Variants in ABHD3 observed in about 807,000 individuals in gnomAD.
ABHD3 encodes the protein phospholipase ABHD3.
A neutral mutation model predicts 48.8 loss-of-function variants in ABHD3; 46 were observed. That is an observed-to-expected ratio of 0.94 (90% CI 0.74 to 1.20). The LOEUF is 1.20. ABHD3 is among the 50% of genes most tolerant of loss of function. The pLI is 0.00. For synonymous variants in ABHD3, 192 were observed against 183.7 expected (o/e 1.04, Z -0.36); for missense variants, 490 against 497.8 (o/e 0.98, Z 0.15).
Position 21,703,324 on chromosome 18 carries a change from AAC to A in ABHD3, c.326+258_326+259del, listed in dbSNP as rs370385505. Reference sequence around the variant, plus strand: ...ACAAACTGCGAGACAGTAATCCCCAAACACTTCTCTCATCCTAAAAATAAACC... The same window carrying A: ...ACAAACTGCGAGACAGTAATCCCCAAACTTCTCTCATCCTAAAAATAAACC... On this transcript the variant is annotated intron_variant, in intron 2 of 8. Coordinates refer to ENST00000289119, the MANE Select transcript of ABHD3 (RefSeq NM_138340.5). Among the ~76,000 whole-genome samples the A allele has an allele frequency of 1.9e-4, 29 of 149,774 alleles. No homozygotes were observed. In the Middle Eastern group the frequency reaches 0.01, roughly 53 times the overall value.
At chr18:21,701,284 G>A (rs1348651581) in intron 3 of ABHD3, 2 of 151,088 alleles carry the variant, frequency 1.3e-5, no homozygotes, top group African/African-American at 4.9e-5. Flanking sequence ...CACGATCATG[G>A]TTCACTACAG....
chr18:21,683,511 T>C (rs1407879406), intron 4 of ABHD3: 1 of 513,426 alleles, frequency 1.9e-6, no homozygotes, highest in Non-Finnish European at 4.0e-6. Flanking sequence ...AAAATGTGTT[T>C]TGCATTAAAA....
intron 4 of ABHD3, chr18:21,673,603 TTTGTTTTGTTTTTTG>T (rs2039806687): frequency 1.4e-5 from 2 of 144,602 alleles, no homozygotes; most frequent in Admixed American, 1.7e-4. Context: ...TGTTTTTTGT[TTTGTTTTGTTTTTTG>T]TTTTTTTGAG....
chr18:21,692,407 G>A (rs527370979), intron 3 of ABHD3, among the ~76,000 whole-genome samples: 2 of 152,254 alleles, frequency 1.3e-5, no homozygotes, highest in Non-Finnish European at 2.9e-5. Context: ...ATAATGCCTG[G>A]CATGGGGCCT....
At chr18:21,684,248 C>T (rs540167452) in intron 3 of ABHD3, among the ~76,000 whole-genome samples, 12 of 151,404 alleles carry the variant, frequency 7.9e-5, no homozygotes, top group South Asian at 4.2e-4. Context: ...TACGCACATA[C>T]GTGGGCCTCC....
Position 21,659,334 on chromosome 18 carries a change from A to C in ABHD3, c.678T>G (p.Leu226=), listed in dbSNP as rs147892559. Residue 226 remains leucine (L), a synonymous_variant, in exon 6 of 9, where the codon CTT becomes CTG. Coordinates refer to ENST00000289119, the MANE Select transcript of ABHD3 (RefSeq NM_138340.5). ...ACCCAATTTTGCCCAAGTAATTTAGAAGCAGCATTCTAAAATGGGGAGAAA... is the reference window on the plus strand; with the variant it reads ...ACCCAATTTTGCCCAAGTAATTTAGCAGCAGCATTCTAAAATGGGGAGAAA... ...AAGVSMGGML[L]LNYLGKIGSK... 2.4e-4 allele frequency: 387 copies of C among 1,607,816 alleles called. 2 individuals are homozygous for C. The African/African-American group carries it at 4.5e-3, about 19-fold the overall frequency.
At chr18:21,656,024 C>T (rs1331484205) in intron 8 of ABHD3, among the ~76,000 whole-genome samples, 3 of 151,690 alleles carry the variant, frequency 2.0e-5, no homozygotes, top group African/African-American at 7.3e-5. Flanking sequence ...GGCATGATGG[C>T]GGGTGCCTGT....
At chr18:21,691,729 A>G (rs2040256147) in intron 3 of ABHD3, among the ~76,000 whole-genome samples, 1 of 152,210 alleles carries the variant, frequency 6.6e-6, no homozygotes, top group Non-Finnish European at 1.5e-5. Context: ...TTTGCCTGTC[A>G]TGTCTTGAAT....
intron 3 of ABHD3, among the ~76,000 whole-genome samples, chr18:21,688,042 T>C (rs992083190): frequency 6.6e-6 from 1 of 152,176 alleles, no homozygotes; most frequent in Non-Finnish European, 1.5e-5. Context: ...CCAGAGAACC[T>C]TGAATCTGCT....
intron 8 of ABHD3, among the ~76,000 whole-genome samples, chr18:21,652,794 C>T (rs577754153): frequency 2.6e-5 from 4 of 151,622 alleles, no homozygotes; most frequent in Admixed American, 2.6e-4. Context: ...AGAGCTCACG[C>T]CTGTCATCCC....
intron 4 of ABHD3, among the ~76,000 whole-genome samples, chr18:21,674,374 T>C (rs2146305068): frequency 6.6e-6 from 1 of 152,148 alleles, no homozygotes; most frequent in East Asian, 1.9e-4. Context: ...CCTGAGTAGC[T>C]GGGACTACAG....
Position 21,701,437 on chromosome 18 carries a change from A to G in ABHD3, c.509+879T>C, listed in dbSNP as rs983760436. On this transcript the variant is annotated intron_variant, in intron 3 of 8. Transcript: ENST00000289119. ...AGGCTGGTCTCGAACTCCTGGGCTCAAGCAATCCACCGGCTTTACGCCTTC... is the reference window on the plus strand; with the variant it reads ...AGGCTGGTCTCGAACTCCTGGGCTCGAGCAATCCACCGGCTTTACGCCTTC... The G allele has an allele frequency of 1.1e-4, 16 of 152,338 alleles. No individual in the cohort carries two copies. The Middle Eastern group carries it at 0.01, about 97-fold the overall frequency. The allele number at this position is 152,338 out of a possible 1,614,324, so 9.4% of individuals were successfully genotyped here.
At chr18:21,681,142 G>T (rs548873482) in intron 4 of ABHD3, among the ~76,000 whole-genome samples, 2 of 152,092 alleles carry the variant, frequency 1.3e-5, no homozygotes, top group Middle Eastern at 3.4e-3. Flanking sequence ...ATCTCAGTCT[G>T]TCTCTCTCTT....
At chr18:21,680,104 C>T (rs1278451237) in intron 4 of ABHD3, among the ~76,000 whole-genome samples, 1 of 152,196 alleles carries the variant, frequency 6.6e-6, no homozygotes, top group Non-Finnish European at 1.5e-5. Context: ...ACCTCCACCT[C>T]CTGGGTTCAA....
chr18:21,664,520 A>T (rs1258683169), intron 4 of ABHD3: 1 of 250,960 alleles, frequency 4.0e-6, no homozygotes, highest in Non-Finnish European at 7.5e-6. Flanking sequence ...ACAAAGTACC[A>T]TACTCAAACG....
chr18:21,687,173 G>A (rs572011867), intron 3 of ABHD3, among the ~76,000 whole-genome samples: 1 of 151,752 alleles, frequency 6.6e-6, no homozygotes, highest in South Asian at 2.1e-4. Context: ...GCCTCCTGAA[G>A]TTCTGGGATT....
intron 3 of ABHD3, 27 bp downstream of exon 3, chr18:21,702,289 G>A: frequency 6.6e-7 from 1 of 1,524,194 alleles, no homozygotes; most frequent in South Asian, 1.3e-5. Context: ...TGGATCAAGT[G>A]AAAAAAAAGA....
rs1011393326 is a variant in ABHD3 at position 21,704,478 on chromosome 18, G to A, written c.162+26C>T. Reference sequence around the variant, plus strand: ...ACCCTAGCTCCTGGCCCAGCAGCCCGCGGCCCTGCGCCACCCCCGGCTCAC... The same window carrying A: ...ACCCTAGCTCCTGGCCCAGCAGCCCACGGCCCTGCGCCACCCCCGGCTCAC... On this transcript the variant is annotated intron_variant, in intron 1 of 8. Transcript: ENST00000289119. The A allele has an allele frequency of 5.9e-5, 80 of 1,360,896 alleles. 1 individual carries two copies. The African/African-American group carries it at 9.8e-4, about 17-fold the overall frequency. 84.3% of individuals were successfully genotyped at this position (1,360,896 alleles called of 1,614,324 possible).
At chr18:21,662,195 C>A (rs962391077) in intron 5 of ABHD3, 4 of 152,170 alleles carry the variant, frequency 2.6e-5, no homozygotes, top group African/African-American at 9.7e-5. Flanking sequence ...GTCTTGAACT[C>A]CTGACTTCAG....
Sources: allele counts gnomAD v4.1 joint callset (sites outside exome capture counted in the v4.1 genomes callset), GRCh38; gene constraint gnomAD v4.1.1; transcripts MANE v1.5; gene names NCBI Gene and HGNC (gene_info 2026-07-23, HGNC 2026-07-21).